Variants in SHANK2 observed in about 807,000 individuals in gnomAD.
The protein encoded by SHANK2 is SH3 and multiple ankyrin repeat domains 2, also known as SH3 and multiple ankyrin repeat domains protein 2.
Under a neutral mutation model 133.7 loss-of-function variants are expected in SHANK2, and 43 were observed. The ratio of observed to expected loss-of-function variants is 0.32; its 90% CI spans 0.25 to 0.41. The LOEUF (loss-of-function observed/expected upper bound fraction) is 0.41, where lower values mean the gene tolerates loss of function less well. SHANK2 is among the 10% of genes least tolerant of loss of function. SHANK2 has a pLI of 1.00. For missense variants in SHANK2, 1,994 were observed against 2,235.8 expected, an observed-to-expected ratio of 0.89 and a Z score of 2.18; for synonymous variants, 1,017 against 952.8, an observed-to-expected ratio of 1.07 and a Z score of -1.24.
intron 9 of SHANK2, among the ~76,000 whole-genome samples, chr11:71,068,068 C>T (rs1951091425): frequency 6.6e-6 from 1 of 152,094 alleles, no homozygotes; most frequent in Admixed American, 6.6e-5. Context: ...CCATCACAAC[C>T]ATCACCATCA....
intron 2 of SHANK2, among the ~76,000 whole-genome samples, chr11:71,195,391 CAA>C (rs59797647): frequency 7.4e-6 from 1 of 134,696 alleles, no homozygotes; most frequent in Non-Finnish European, 1.6e-5. Context: ...GACTCCGTCT[CAA>C]AAAAAAAAAA....
rs782667097 is a variant in SHANK2 at position 70,486,751 on chromosome 11, C to T, written c.3542G>A (p.Gly1181Glu). ...GGGCACTGCTGGGCTGCTCTCGGGC[C>T]CCTGGGCTTTGGACGTGGAATTCAG... ...RPLNSTSKAQ[G>E]PESSPAVPSA... Residue 1181 changes from glycine to glutamate, a missense_variant, in exon 25 of 26, where the codon GGG (glycine) becomes GAG (glutamate). Physicochemically the swap from Gly to Glu is moderately conservative, Grantham distance 98. Coordinates refer to ENST00000601538, the MANE Select transcript of SHANK2 (RefSeq NM_012309.5). This position sits in a 1 kb window ranked among gnomAD's most constrained non-coding sequence, Gnocchi z 8.0. The T allele has an allele frequency of 6.8e-6, 11 of 1,610,814 alleles. No homozygotes were observed. The highest frequency in any genetic ancestry group is 1.3e-5 in the African/African-American group (1 of 74,922).
At chr11:70,902,934 T>C (rs188993711) in intron 10 of SHANK2, among the ~76,000 whole-genome samples, 53 of 152,142 alleles carry the variant, frequency 3.5e-4, no homozygotes, top group African/African-American at 1.3e-3. Context: ...CAGCAGTCAC[T>C]CTGCAAGGCA....
chr11:70,854,480 C>A (rs1949137851), intron 11 of SHANK2, among the ~76,000 whole-genome samples: 1 of 152,212 alleles, frequency 6.6e-6, no homozygotes, highest in East Asian at 1.9e-4. Flanking sequence ...ATTCCACCCC[C>A]AGTGGCCCAC....
chr11:71,092,699 C>T (rs1277956288), intron 7 of SHANK2, 110 bp from the exon 8 acceptor site: 5 of 1,061,342 alleles, frequency 4.7e-6, no homozygotes, highest in Non-Finnish European at 6.8e-6. Flanking sequence ...TCAAGGCAAC[C>T]CACACCCTGA....
At chr11:71,167,786 G>A (rs1414815738) in intron 2 of SHANK2, among the ~76,000 whole-genome samples, 6 of 143,496 alleles carry the variant, frequency 4.2e-5, no homozygotes, top group South Asian at 2.3e-4. Flanking sequence ...GCGGCTGGCC[G>A]GGCGGGGGGC....
intron 14 of SHANK2, among the ~76,000 whole-genome samples, chr11:70,783,385 A>C (rs2135125597): frequency 6.6e-6 from 1 of 152,272 alleles, no homozygotes; most frequent in South Asian, 2.1e-4. Flanking sequence ...CAAGCGGACT[A>C]CGACTGCCCA....
intron 6 of SHANK2, among the ~76,000 whole-genome samples, chr11:71,105,621 G>C (rs1430840548): frequency 1.3e-5 from 2 of 150,762 alleles, no homozygotes; most frequent in African/African-American, 4.9e-5. Context: ...AAAAGAAAGG[G>C]TCAGCAGCTG....
chr11:71,162,810 C>T (rs182417267), intron 2 of SHANK2, among the ~76,000 whole-genome samples: 42 of 152,020 alleles, frequency 2.8e-4, no homozygotes, highest in East Asian at 7.7e-4. Flanking sequence ...TGGTGGCTCA[C>T]GCCTGTTATC....
chr11:70,529,624 A>G (rs1041054560), intron 17 of SHANK2, among the ~76,000 whole-genome samples: 1 of 152,170 alleles, frequency 6.6e-6, no homozygotes, highest in African/African-American at 2.4e-5. Flanking sequence ...GCACTTTGCA[A>G]CCACCACCTC....
At chr11:71,250,491 C>T (rs550819633) in intron 1 of SHANK2, among the ~76,000 whole-genome samples, 3 of 152,294 alleles carry the variant, frequency 2.0e-5, no homozygotes, top group South Asian at 2.1e-4. Flanking sequence ...TACCAATCCC[C>T]CTCTTAGAGC....
In SHANK2 at chr11:70,820,449, C is replaced by T. The variant is rs532653877; in HGVS notation, c.1408G>A (p.Gly470Arg). ...AGCGATGGGGACCGGCTGCGGGGCC[C>T]GGGCACGTAGCTCCCAATGGTCTTC... ...AAKTIGSYVP[G>R]PRSRSPSLNR... Residue 470 changes from glycine to arginine, a missense_variant, in exon 12 of 26, where the codon GGG becomes AGG. This residue lies in a region of SHANK2 where 653 missense variants were observed against 563.4 expected (regional missense o/e 1.16). Transcript: ENST00000601538. 7 of 713,256 alleles carry T rather than the reference C, an allele frequency of 9.8e-6. No individual in the cohort carries two copies. Among genetic ancestry groups the T allele is most frequent in the East Asian group, 5.4e-5 (2 of 37,116 alleles). The allele number at this position is 713,256 out of a possible 1,614,324, so 44.2% of individuals were successfully genotyped here.
intron 14 of SHANK2, among the ~76,000 whole-genome samples, chr11:70,725,545 A>G (rs896923986): frequency 6.6e-6 from 1 of 152,226 alleles, no homozygotes; most frequent in Admixed American, 6.5e-5. Context: ...CTGGTGCCCA[A>G]AGAGGCTCAC....
intron 2 of SHANK2, among the ~76,000 whole-genome samples, chr11:71,195,667 G>A (rs1555116084): frequency 6.6e-6 from 1 of 152,006 alleles, no homozygotes; most frequent in Non-Finnish European, 1.5e-5. Flanking sequence ...CACTCTTAAA[G>A]GATCATAAAA....
chr11:71,119,609 A>G (rs751119470), intron 3 of SHANK2, among the ~76,000 whole-genome samples: 1 of 150,100 alleles, frequency 6.7e-6, no homozygotes, highest in African/African-American at 2.5e-5. Context: ...TCTAGCCCTC[A>G]TAGTGTCTTT....
Position 70,485,244 on chromosome 11 carries a change from G to A in SHANK2, c.4979+70C>T, listed in dbSNP as rs77743331. Reference sequence around the variant, plus strand: ...TTCGTGTCCGCTGGGGCTGCTACCCGAGGGCCTTTCCTGGTCAGCAGGGAC... The same window carrying A: ...TTCGTGTCCGCTGGGGCTGCTACCCAAGGGCCTTTCCTGGTCAGCAGGGAC... On this transcript the variant is annotated intron_variant, in intron 25 of 25. Coordinates refer to ENST00000601538, the MANE Select transcript of SHANK2 (RefSeq NM_012309.5). The surrounding 1 kb of genome is among the most constrained non-coding windows in gnomAD (Gnocchi z 5.8). 4.5e-3 allele frequency: 6,157 copies of A among 1,356,006 alleles called. 222 individuals carry two copies. The African/African-American group carries it at 0.078, about 17-fold the overall frequency. The allele number at this position is 1,356,006 out of a possible 1,614,324, so 84.0% of individuals were successfully genotyped here.
chr11:70,479,599 AG>A lies in SHANK2; in HGVS notation c.4979+5714del, dbSNP rs2058706600. 1.3e-5 allele frequency among the ~76,000 whole-genome samples: 2 copies of A among 152,192 alleles called. No homozygotes were observed. The highest frequency in any genetic ancestry group is 4.1e-4 in the South Asian group (2 of 4,834). Reference sequence around the variant, plus strand: ...CCCTTCTGGACCCCACCCACTGCAAAGGGCTGGCGACCTAGAGGGGACTCTG... The same window carrying A: ...CCCTTCTGGACCCCACCCACTGCAAAGGCTGGCGACCTAGAGGGGACTCTG... On this transcript the variant is annotated intron_variant, in intron 25 of 25. Transcript: ENST00000601538. This position sits in a 1 kb window ranked among gnomAD's most constrained non-coding sequence, Gnocchi z 4.4.
intron 17 of SHANK2, among the ~76,000 whole-genome samples, chr11:70,543,829 C>T (rs1554975682): frequency 6.6e-6 from 1 of 152,164 alleles, no homozygotes; most frequent in East Asian, 1.9e-4. Context: ...GACTGAGCCT[C>T]ACCCTATGGG....
chr11:70,624,323 C>T (rs1181187485), intron 17 of SHANK2, among the ~76,000 whole-genome samples: 1 of 152,060 alleles, frequency 6.6e-6, no homozygotes, highest in Non-Finnish European at 1.5e-5. Context: ...ACGCCCCCAG[C>T]CAATCCCCTG....
Sources: gnomAD v4.1 joint callset for allele counts (sites outside exome capture counted in the v4.1 genomes callset) on GRCh38, gnomAD v4.1.1 for gene constraint, gnomAD v4.1.1 regional missense constraint, Gnocchi (gnomAD v3.1) non-coding constraint, MANE v1.5 for transcripts, NCBI Gene and HGNC (gene_info 2026-07-23, HGNC 2026-07-21) for gene names.